TENM3: variants seen among roughly 807,000 people sequenced by gnomAD.
TENM3 encodes the protein teneurin-3.
In TENM3, 63 loss-of-function variants were observed where a neutral mutation model predicts 255.1. That is an observed-to-expected ratio of 0.25 (90% CI 0.20 to 0.30). The LOEUF (loss-of-function observed/expected upper bound fraction) is 0.30. Among genes scored for constraint, TENM3 ranks in the 10% least tolerant of loss-of-function variants. The pLI is 1.00. For missense variants in TENM3, 2,929 were observed against 3,461.1 expected (o/e 0.85, Z 3.86); for synonymous variants, 1,306 against 1,322.3 (o/e 0.99, Z 0.27).
At chr4:181,842,289 T>C in the TENM3 span, among the ~76,000 whole-genome samples, 1 of 152,182 alleles carries the variant, frequency 6.6e-6, no homozygotes, top group Non-Finnish European at 1.5e-5. Context: ...AAGCTACTGT[T>C]ACTCTTTTAC....
chr4:182,729,034 G>A lies in TENM3; in HGVS notation c.2438G>A (p.Arg813Gln), dbSNP rs373394131. The change falls in exon 14 of 28, where the codon CGG becomes CAG. Residue 813 changes from arginine to glutamine, a missense_variant. Arg to Gln is a conservative substitution (Grantham distance 43, BLOSUM62 1). Transcript: ENST00000511685. ...TCCTGCCAGAATCAGCCCTATTGTC[G>A]GGGACTGCCGGATCCTCAGGACATC... ...QSSCQNQPYC[R>Q]GLPDPQDIIS... 19 of 1,613,888 alleles carry A rather than the reference G, an allele frequency of 1.2e-5. No individual in the cohort carries two copies. The highest frequency in any genetic ancestry group is 1.6e-4 in the Middle Eastern group (1 of 6,062).
In TENM3 at chr4:182,263,926, CA is replaced by C. The variant is rs1302977578; in HGVS notation, c.-76+20451del. Among the ~76,000 whole-genome samples the C allele has an allele frequency of 2.0e-5, 3 of 151,438 alleles. No individual in the cohort carries two copies. In the East Asian group the frequency reaches 5.8e-4, roughly 29 times the overall value. ...TTTATCACTTGTATTTTGCTCTGGC[CA>C]GAACGAAAAAAAAATAATTTTCCTT... On this transcript the variant is annotated intron_variant, in intron 1 of 27. Coordinates refer to ENST00000511685, the MANE Select transcript of TENM3 (RefSeq NM_001080477.4).
chr4:181,583,097 T>C, the TENM3 span, among the ~76,000 whole-genome samples: 2 of 149,592 alleles, frequency 1.3e-5, no homozygotes, highest in Non-Finnish European at 3.0e-5. Context: ...AGGTAGAAAA[T>C]ATTTATTTTT....
chr4:181,611,502 A>G, the TENM3 span, among the ~76,000 whole-genome samples: 1 of 151,982 alleles, frequency 6.6e-6, no homozygotes, highest in Non-Finnish European at 1.5e-5. Context: ...TTTAAGGCAT[A>G]TTTTTTAGTC....
chr4:182,646,557 C>A (rs1344976608), intron 5 of TENM3, among the ~76,000 whole-genome samples: 1 of 152,066 alleles, frequency 6.6e-6, no homozygotes, highest in African/African-American at 2.4e-5. Context: ...GCCTGACCAA[C>A]ATCATGAAAC....
At chr4:182,010,693 T>G in the TENM3 span, among the ~76,000 whole-genome samples, 1 of 152,230 alleles carries the variant, frequency 6.6e-6, no homozygotes, top group Non-Finnish European at 1.5e-5. Context: ...GGTATTATGC[T>G]TTATAAAATT....
the TENM3 span, among the ~76,000 whole-genome samples, chr4:181,605,542 G>GAA: frequency 3.1e-4 from 8 of 25,782 alleles, 1 homozygote; most frequent in Non-Finnish European, 8.8e-4. Flanking sequence ...AAGAAAGAAA[G>GAA]AAAGAAAGAA....
intron 7 of TENM3, among the ~76,000 whole-genome samples, chr4:182,678,881 G>A (rs1755864894): frequency 6.6e-6 from 1 of 152,210 alleles, no homozygotes; most frequent in Admixed American, 6.5e-5. Flanking sequence ...AATACTGCAT[G>A]TTCTTGCTTA....
chr4:181,721,217 G>A, the TENM3 span, among the ~76,000 whole-genome samples: 1 of 151,990 alleles, frequency 6.6e-6, no homozygotes, highest in Non-Finnish European at 1.5e-5. Context: ...AGATTGGCAG[G>A]AGATGATGTT....
the TENM3 span, among the ~76,000 whole-genome samples, chr4:181,542,898 A>C: frequency 6.6e-6 from 1 of 152,290 alleles, no homozygotes; most frequent in African/African-American, 2.4e-5. Flanking sequence ...CCAATCATTG[A>C]AGCCCATCAA....
At chr4:182,626,226 TATCC>T (rs1410619342) in intron 4 of TENM3, among the ~76,000 whole-genome samples, 1 of 152,214 alleles carries the variant, frequency 6.6e-6, no homozygotes, top group Non-Finnish European at 1.5e-5. Context: ...TCCATCTTCT[TATCC>T]AGACTACATG....
the TENM3 span, among the ~76,000 whole-genome samples, chr4:182,021,918 A>G: frequency 6.6e-6 from 1 of 152,252 alleles, no homozygotes; most frequent in Admixed American, 6.5e-5. Context: ...TGCAGAGAAT[A>G]GGAATCCTTA....
the TENM3 span, among the ~76,000 whole-genome samples, chr4:181,479,150 AT>A: frequency 6.6e-6 from 1 of 152,200 alleles, no homozygotes; most frequent in Non-Finnish European, 1.5e-5. Context: ...AATATTCCCA[AT>A]TTTAGCATTT....
chr4:182,057,434 A>C, the TENM3 span, among the ~76,000 whole-genome samples: 1 of 146,338 alleles, frequency 6.8e-6, no homozygotes, highest in African/African-American at 2.5e-5. Flanking sequence ...TAAGAGACAA[A>C]GTCTCTTGCT....
the TENM3 span, among the ~76,000 whole-genome samples, chr4:181,710,782 C>T: frequency 6.6e-6 from 1 of 151,176 alleles, no homozygotes; most frequent in Admixed American, 6.6e-5. Flanking sequence ...CTCCTTGGCT[C>T]AAGCTATCCT....
chr4:182,016,967 A>G, the TENM3 span, among the ~76,000 whole-genome samples: 3,383 of 152,346 alleles, frequency 0.022, 66 homozygotes, highest in African/African-American at 0.035. Context: ...TCTGGATTTT[A>G]TCAGGAGTTC....
At chr4:182,399,010 G>A (rs1204395286) in intron 3 of TENM3, among the ~76,000 whole-genome samples, 1 of 152,174 alleles carries the variant, frequency 6.6e-6, no homozygotes, top group African/African-American at 2.4e-5. Context: ...GCACAGTCCC[G>A]AACTCGGTCT....
chr4:182,524,449 C>A (rs1227857762), intron 3 of TENM3, among the ~76,000 whole-genome samples: 2 of 149,298 alleles, frequency 1.3e-5, no homozygotes, highest in Non-Finnish European at 3.0e-5. Context: ...CTATCCACCA[C>A]CTCCCAGGCT....
chr4:182,417,208 C>T lies in TENM3; in HGVS notation c.511+70279C>T, dbSNP rs570749922. Among the ~76,000 whole-genome samples the T allele has an allele frequency of 3.9e-5, 6 of 152,104 alleles. No homozygotes were observed. The East Asian group carries it at 7.8e-4, about 20-fold the overall frequency. On this transcript the variant is annotated intron_variant, in intron 3 of 27. Coordinates refer to ENST00000511685, the MANE Select transcript of TENM3 (RefSeq NM_001080477.4). The stretch of plus-strand genomic sequence containing the variant: ...AGCCAGGATGGTCTCGATCTCCTGA[C>T]CTCGTGATCCGCTCGTCTCGGCCTC...
Sources: allele counts gnomAD v4.1 joint callset (sites outside exome capture counted in the v4.1 genomes callset), GRCh38; gene constraint gnomAD v4.1.1; transcripts MANE v1.5; gene names NCBI Gene and HGNC (gene_info 2026-07-23, HGNC 2026-07-21).